Variants in TRPC4 observed in about 807,000 individuals in gnomAD.
The protein encoded by TRPC4 is transient receptor potential cation channel subfamily C member 4.
TRPC4 carries 49 observed loss-of-function variants against 99.4 expected under a neutral mutation model. The observed-to-expected ratio is 0.49, with a 90% confidence interval of 0.39 to 0.63. The LOEUF (loss-of-function observed/expected upper bound fraction) is 0.63. TRPC4 is among the 20% of genes least tolerant of loss of function. The pLI is 0.00. For synonymous variants in TRPC4, 454 were observed against 425.9 expected (o/e 1.07, Z -0.81); for missense variants, 898 against 1,152.9 (o/e 0.78, Z 3.20).
chr13:37,711,714 G>C (rs150917332), intron 3 of TRPC4, among the ~76,000 whole-genome samples: 2 of 151,912 alleles, frequency 1.3e-5, no homozygotes, highest in African/African-American at 4.8e-5. Flanking sequence ...TACTTGGCTT[G>C]TTTGCCTTGA....
chr13:37,786,011 G>C (rs1956960942), intron 1 of TRPC4, among the ~76,000 whole-genome samples: 1 of 151,880 alleles, frequency 6.6e-6, no homozygotes, highest in African/African-American at 2.4e-5. Context: ...AGGAGGTAAG[G>C]GATATTTGCA....
rs1953910707 is a variant in TRPC4 at position 37,696,558 on chromosome 13, C to T, written c.898-4223G>A. On this transcript the variant is annotated intron_variant, in intron 3 of 10. Transcript: ENST00000379705. Reference sequence around the variant, plus strand: ...AGAAAATCCAAATTCTAGGAACAACCGTCCTGGCTACTTTATCTATCTTGA... The same window carrying T: ...AGAAAATCCAAATTCTAGGAACAACTGTCCTGGCTACTTTATCTATCTTGA... Among the ~76,000 whole-genome samples the T allele has an allele frequency of 3.3e-5, 5 of 152,088 alleles. No individual in the cohort carries two copies. The South Asian group carries it at 6.2e-4, about 19-fold the overall frequency.
intron 6 of TRPC4, among the ~76,000 whole-genome samples, chr13:37,658,160 C>A (rs1472668604): frequency 6.6e-6 from 1 of 152,068 alleles, no homozygotes; most frequent in African/African-American, 2.4e-5. Context: ...AATGCCTTTA[C>A]GTGACTAATA....
intron 3 of TRPC4, among the ~76,000 whole-genome samples, chr13:37,722,782 A>G (rs1449787569): frequency 6.6e-6 from 1 of 152,224 alleles, no homozygotes; most frequent in Non-Finnish European, 1.5e-5. Flanking sequence ...GTTAATTAGT[A>G]AATAAACACT....
At chr13:37,837,187 C>T (rs532489770) in intron 1 of TRPC4, among the ~76,000 whole-genome samples, 1 of 152,374 alleles carries the variant, frequency 6.6e-6, no homozygotes, top group Admixed American at 6.5e-5. Flanking sequence ...GGGCAGGGCC[C>T]TCATAGAGAA....
chr13:37,696,891 T>C (rs1221251526), intron 3 of TRPC4, among the ~76,000 whole-genome samples: 1 of 151,886 alleles, frequency 6.6e-6, no homozygotes. Flanking sequence ...CTTCAGGGAA[T>C]TAACTTTTTC....
intron 3 of TRPC4, among the ~76,000 whole-genome samples, chr13:37,724,042 C>T (rs745420847): frequency 3.3e-5 from 5 of 151,766 alleles, no homozygotes; most frequent in African/African-American, 1.2e-4. Flanking sequence ...CTTAAATGTC[C>T]GCAAATTAGG....
rs10528143 is a variant in TRPC4 at position 37,752,075 on chromosome 13, C to CTATATATATATATATATA, written c.379-5638_379-5621dup. On this transcript the variant is annotated intron_variant, in intron 2 of 10. Coordinates refer to ENST00000379705, the MANE Select transcript of TRPC4 (RefSeq NM_016179.4). The stretch of plus-strand genomic sequence containing the variant: ...TACCAAAACCTGATAAAGCAGAAAA[C>CTATATATATATATATATA]TATATATATATATATATATATGACT... Among the ~76,000 whole-genome samples the CTATATATATATATATATA allele has an allele frequency of 1.9e-3, 144 of 73,930 alleles. 22 individuals are homozygous for CTATATATATATATATATA. Among genetic ancestry groups the CTATATATATATATATATA allele is most frequent in the African/African-American group, 6.8e-3 (119 of 17,582 alleles). The allele number at this position is 73,930 out of a possible 152,430, so 48.5% of individuals were successfully genotyped here.
chr13:37,817,345 A>G (rs1957887132), intron 1 of TRPC4, among the ~76,000 whole-genome samples: 1 of 152,118 alleles, frequency 6.6e-6, no homozygotes, highest in South Asian at 2.1e-4. Context: ...AAGGAGAGCT[A>G]CAAAGCACAA....
At chr13:37,845,147 C>T (rs541728741) in intron 1 of TRPC4, among the ~76,000 whole-genome samples, 12 of 152,064 alleles carry the variant, frequency 7.9e-5, no homozygotes, top group Admixed American at 1.3e-4. Flanking sequence ...TGTTTGGGGT[C>T]GCTACAAGCT....
In TRPC4 at chr13:37,783,105, C is replaced by G; in HGVS notation, c.229G>C (p.Ala77Pro). 1 of 1,613,366 alleles carries G rather than the reference C, an allele frequency of 6.2e-7. No individual in the cohort carries two copies. The highest frequency in any genetic ancestry group is 8.5e-7 in the Non-Finnish European group (1 of 1,179,704). Residue 77 changes from alanine to proline, a missense_variant, in exon 2 of 11, where the codon GCA becomes CCA. By Grantham distance (27) the Ala-to-Pro change is conservative (BLOSUM62 -1). Around this residue, in one of 3 missense-constraint regions of TRPC4, gnomAD observed 278 missense variants for 346.6 expected, o/e 0.80. Coordinates refer to ENST00000379705, the MANE Select transcript of TRPC4 (RefSeq NM_016179.4). ...AGCTCCAAGTTCTCATTTTCAATTG[C>G]AATGAGGAGAGCAGTTCTTCCGAGA... is the stretch of plus-strand genomic sequence containing the variant. ...DPLGRTALLI[A>P]IENENLELIE...
chr13:37,694,256 A>G (rs1953835314), intron 3 of TRPC4, among the ~76,000 whole-genome samples: 1 of 152,186 alleles, frequency 6.6e-6, no homozygotes, highest in Non-Finnish European at 1.5e-5. Context: ...TGGGAAATGC[A>G]AGATATAACA....
intron 3 of TRPC4, among the ~76,000 whole-genome samples, chr13:37,740,597 C>T (rs1955554112): frequency 6.6e-6 from 1 of 152,120 alleles, no homozygotes; most frequent in Admixed American, 6.6e-5. Flanking sequence ...GTAACTCTCA[C>T]CCGAGGTGTC....
At chr13:37,723,698 A>G (rs1025463826) in intron 3 of TRPC4, among the ~76,000 whole-genome samples, 2 of 152,044 alleles carry the variant, frequency 1.3e-5, no homozygotes, top group Non-Finnish European at 2.9e-5. Flanking sequence ...ACAGGCACAC[A>G]CTACGATGCC....
chr13:37,711,594 TAA>T (rs1954488348), intron 3 of TRPC4, among the ~76,000 whole-genome samples: 1 of 152,042 alleles, frequency 6.6e-6, no homozygotes, highest in Non-Finnish European at 1.5e-5. Flanking sequence ...ATTCAAGATA[TAA>T]GTCTCTGTAA....
chr13:37,707,113 A>C (rs556327729), intron 3 of TRPC4, among the ~76,000 whole-genome samples: 1 of 152,326 alleles, frequency 6.6e-6, no homozygotes, highest in East Asian at 1.9e-4. Flanking sequence ...AAGAAATATC[A>C]ACATTCGACT....
chr13:37,728,697 G>A (rs955772430), intron 3 of TRPC4, among the ~76,000 whole-genome samples: 2 of 151,976 alleles, frequency 1.3e-5, no homozygotes, highest in African/African-American at 2.4e-5. Flanking sequence ...AATCCATATG[G>A]AATCTCAAGG....
Position 37,674,367 on chromosome 13 carries a change from C to G in TRPC4, c.1235G>C (p.Gly412Ala). The G allele has an allele frequency of 1.3e-6, 2 of 1,596,384 alleles. No individual in the cohort carries two copies. The highest frequency in any genetic ancestry group is 1.7e-6 in the Non-Finnish European group (2 of 1,174,898). Residue 412 changes from glycine to alanine, a missense_variant and splice_region_variant, in exon 5 of 11, where the codon GGC becomes GCC. This residue lies in a region of TRPC4 where 274 missense variants were observed against 454.9 expected (regional missense o/e 0.60). Transcript: ENST00000379705. ...CTGTTTAATTTCTCCCCATATGAAG[C>G]CTGCAATTATAGAAAGATTCATTGT... ...VEWMILPWVL[G>A]FIWGEIKQMW...
At chr13:37,856,365 A>G (rs1290703033) in intron 1 of TRPC4, among the ~76,000 whole-genome samples, 1 of 150,536 alleles carries the variant, frequency 6.6e-6, no homozygotes, top group African/African-American at 2.4e-5. Flanking sequence ...AATGAGATCA[A>G]AGCTGTAATA....
Sources: gnomAD v4.1 joint callset for allele counts (sites outside exome capture counted in the v4.1 genomes callset) on GRCh38, gnomAD v4.1.1 for gene constraint, gnomAD v4.1.1 regional missense constraint, MANE v1.5 for transcripts, NCBI Gene and HGNC (gene_info 2026-07-23, HGNC 2026-07-21) for gene names.